Variants in ACTR3 observed in about 807,000 individuals in gnomAD.
ACTR3 encodes actin related protein 3.
A neutral mutation model predicts 56.8 loss-of-function variants in ACTR3; 12 were observed. That is an observed-to-expected ratio of 0.21 (90% confidence interval 0.14 to 0.34). The LOEUF is 0.34. ACTR3 is among the 10% of genes least tolerant of loss of function. The pLI, the probability that ACTR3 is intolerant of heterozygous loss-of-function variation, is 1.00. For missense variants in ACTR3, 282 were observed against 512.5 expected (o/e 0.55, Z 4.34); for synonymous variants, 162 against 167.4 (o/e 0.97, Z 0.25).
intron 8 of ACTR3, among the ~76,000 whole-genome samples, chr2:113,944,310 A>T (rs1008825504): frequency 1.3e-5 from 2 of 152,120 alleles, no homozygotes; most frequent in Admixed American, 1.3e-4. Flanking sequence ...AATAAGGCTC[A>T]AGATAGTTTT....
chr2:113,902,870 A>G (rs1009886641), intron 1 of ACTR3, among the ~76,000 whole-genome samples: 1 of 152,218 alleles, frequency 6.6e-6, no homozygotes, highest in Non-Finnish European at 1.5e-5. Flanking sequence ...AAGTGCTGGG[A>G]TTACAGGGAT....
intron 5 of ACTR3, 62 bp downstream of exon 5, chr2:113,931,458 C>A: frequency 1.8e-6 from 2 of 1,129,062 alleles, no homozygotes; most frequent in South Asian, 1.8e-5. Flanking sequence ...AATTTGCTGC[C>A]TAAAATACGT....
At chr2:113,939,184 C>G (rs953895228) in intron 6 of ACTR3, among the ~76,000 whole-genome samples, 5 of 151,674 alleles carry the variant, frequency 3.3e-5, no homozygotes, top group African/African-American at 1.2e-4. Context: ...CCACCATGCC[C>G]GGCTAATTTT....
chr2:113,920,824 CTT>C (rs1052708348), intron 3 of ACTR3, among the ~76,000 whole-genome samples: 1 of 152,160 alleles, frequency 6.6e-6, no homozygotes, highest in African/African-American at 2.4e-5. Context: ...GGATTTCACT[CTT>C]TTTTTATGGT....
intron 8 of ACTR3, among the ~76,000 whole-genome samples, chr2:113,944,655 G>A (rs11899899): frequency 0.12 from 17,679 of 148,610 alleles, 1,654 homozygotes; most frequent in African/African-American, 0.26. Context: ...CCAGCTACTC[G>A]CGAGGCTGAG....
At chr2:113,902,688 C>T (rs1679123228) in intron 1 of ACTR3, among the ~76,000 whole-genome samples, 1 of 151,926 alleles carries the variant, frequency 6.6e-6, no homozygotes, top group Admixed American at 6.6e-5. Context: ...CAACCTCTTT[C>T]TCCCGGGTTC....
intron 11 of ACTR3, among the ~76,000 whole-genome samples, chr2:113,956,795 G>A (rs978849216): frequency 6.6e-6 from 1 of 152,128 alleles, no homozygotes. Flanking sequence ...AGAGGTGAAA[G>A]TTATTTTTTT....
rs771081642 is a variant in ACTR3, at chr2:113,931,360, G to A, written c.396G>A (p.Glu132=). Residue 132 remains glutamate, a synonymous_variant, in exon 5 of 12, where the codon GAG becomes GAA. Coordinates refer to ENST00000263238, the MANE Select transcript of ACTR3 (RefSeq NM_005721.5). ...AATATACTGCTGAAATAATGTTTGA[G>A]TCCTTCAATGTTCCAGGCTTGTACA... ...NREYTAEIMF[E]SFNVPGLYIA... is the part of the protein sequence containing the mutation. The A allele has an allele frequency of 3.8e-6, 6 of 1,599,934 alleles. No homozygotes were observed. In the South Asian group the frequency reaches 5.6e-5, roughly 15 times the overall value.
At chr2:113,917,783 C>T (rs1426315584) in intron 3 of ACTR3, among the ~76,000 whole-genome samples, 2 of 152,110 alleles carry the variant, frequency 1.3e-5, no homozygotes, top group African/African-American at 4.8e-5. Flanking sequence ...GACTGCAAGG[C>T]TATTATAATG....
At position 113,951,472 on chromosome 2, in the gene ACTR3, T is replaced by G. The variant is rs1475237817; in HGVS notation, c.859-7T>G. The G allele has an allele frequency of 6.3e-7, 1 of 1,584,788 alleles. No homozygotes were observed. Among genetic ancestry groups the G allele is most frequent in the South Asian group, 1.1e-5 (1 of 90,348 alleles). ...GATCTCTATTATATATCCAACTTATTTTTCAGTTTGCTAATCCAGACTTTA... is the reference window on the plus strand; with the variant it reads ...GATCTCTATTATATATCCAACTTATGTTTCAGTTTGCTAATCCAGACTTTA... On this transcript the variant is annotated splice_polypyrimidine_tract_variant and splice_region_variant and intron_variant, in intron 8 of 11. Coordinates refer to ENST00000263238, the MANE Select transcript of ACTR3 (RefSeq NM_005721.5).
At chr2:113,939,589 G>T (rs1679888917) in intron 6 of ACTR3, among the ~76,000 whole-genome samples, 1 of 152,156 alleles carries the variant, frequency 6.6e-6, no homozygotes. Context: ...AAAATGATAA[G>T]CACTTTGTCA....
chr2:113,926,837 A>G (rs553280546), intron 3 of ACTR3, among the ~76,000 whole-genome samples: 18 of 152,358 alleles, frequency 1.2e-4, no homozygotes, highest in African/African-American at 4.3e-4. Context: ...TTTTGGAAGC[A>G]TGACTCTTAA....
intron 1 of ACTR3, among the ~76,000 whole-genome samples, chr2:113,895,164 T>G (rs984935611): frequency 6.6e-6 from 1 of 151,480 alleles, no homozygotes; most frequent in East Asian, 1.9e-4. Context: ...GTTGTGTTTC[T>G]CAGGAAATAA....
chr2:113,921,858 C>T (rs1198055309), intron 3 of ACTR3, among the ~76,000 whole-genome samples: 7 of 152,072 alleles, frequency 4.6e-5, no homozygotes, highest in South Asian at 2.1e-4. Context: ...TTACCTTAGA[C>T]GGGTTGACAT....
intron 6 of ACTR3, among the ~76,000 whole-genome samples, chr2:113,938,032 A>G (rs1679859056): frequency 1.3e-5 from 2 of 151,866 alleles, no homozygotes; most frequent in Admixed American, 1.3e-4. Flanking sequence ...TTATTTTTTT[A>G]TAATCTTTTT....
intron 2 of ACTR3, among the ~76,000 whole-genome samples, chr2:113,913,643 C>T (rs1204731559): frequency 6.6e-6 from 1 of 152,110 alleles, no homozygotes; most frequent in African/African-American, 2.4e-5. Context: ...TCACTAAGTG[C>T]CCATGTTTCA....
Position 113,942,245 on chromosome 2 carries a change from T to C in ACTR3, c.744T>C (p.Asp248=). The C allele has an allele frequency of 6.2e-7, 1 of 1,604,300 alleles. No homozygotes were observed. The highest frequency in any genetic ancestry group is 8.5e-7 in the Non-Finnish European group (1 of 1,176,492). The change falls in exon 8 of 12, where the codon GAT becomes GAC. Residue 248 remains aspartate (D), a synonymous_variant. Coordinates refer to ENST00000263238, the MANE Select transcript of ACTR3 (RefSeq NM_005721.5). ...LVKEFNKYDT[D]GSKWIKQYTG... ...AAGAATTTAACAAGTATGATACAGA[T>C]GGGTCAAAATGGATTAAACAGTATA...
At chr2:113,900,150 T>C (rs1192405265) in intron 1 of ACTR3, among the ~76,000 whole-genome samples, 1 of 152,184 alleles carries the variant, frequency 6.6e-6, no homozygotes, top group Non-Finnish European at 1.5e-5. Flanking sequence ...GTTTTTAGTA[T>C]AGTCACAAGG....
In ACTR3 at chr2:113,907,540, G is replaced by A. The variant is rs555481231; in HGVS notation, c.45-5632G>A. Among the ~76,000 whole-genome samples, 6 of 152,188 alleles carry A rather than the reference G, an allele frequency of 3.9e-5. No homozygotes were observed. In the South Asian group the frequency reaches 6.2e-4, roughly 16 times the overall value. ...AGTGCTGGGACTACAGGCGTGAGCC[G>A]TCACACCCAGCTCATGAATGACCTT... is the stretch of plus-strand genomic sequence containing the variant. On this transcript the variant is annotated intron_variant, in intron 1 of 11. Transcript: ENST00000263238.
Sources: gnomAD v4.1 joint callset for allele counts (sites outside exome capture counted in the v4.1 genomes callset) on GRCh38, gnomAD v4.1.1 for gene constraint, MANE v1.5 for transcripts, NCBI Gene and HGNC (gene_info 2026-07-23, HGNC 2026-07-21) for gene names.